Variants in PPP2R1B observed in about 807,000 individuals in gnomAD.
The protein encoded by PPP2R1B is serine/threonine-protein phosphatase 2A 65 kDa regulatory subunit A beta isoform.
PPP2R1B carries 58 observed loss-of-function variants against 72.7 expected under a neutral mutation model. That is an observed-to-expected ratio of 0.80 (90% CI 0.65 to 0.99). The LOEUF (loss-of-function observed/expected upper bound fraction) is 0.99, where lower values mean the gene tolerates loss of function less well. Ranked by LOEUF, PPP2R1B falls within the 50% of genes least tolerant of loss-of-function variation. PPP2R1B has a pLI of 0.00. For synonymous variants in PPP2R1B, 256 were observed against 264.6 expected, an observed-to-expected ratio of 0.97 and a Z score of 0.32; for missense variants, 695 against 733.6, an observed-to-expected ratio of 0.95 and a Z score of 0.61.
chr11:111,741,913 C>T lies in PPP2R1B; in HGVS notation c.1789+140G>A, dbSNP rs1944534156. On this transcript the variant is annotated intron_variant, in intron 14 of 14. Coordinates refer to ENST00000527614, the MANE Select transcript of PPP2R1B (RefSeq NM_002716.5). ...GCCAAGAGGGTTCTAATCAGAGAGA[C>T]ACCAGCATTCCAGGAACTTACTACC... The T allele has an allele frequency of 5.9e-6, 5 of 850,054 alleles. No individual in the cohort carries two copies. The East Asian group carries it at 9.9e-5, about 17-fold the overall frequency. The allele number at this position is 850,054 out of a possible 1,614,324, so 52.7% of individuals were successfully genotyped here.
At chr11:111,743,071 T>C (rs1944582911) in intron 12 of PPP2R1B, among the ~76,000 whole-genome samples, 1 of 152,050 alleles carries the variant, frequency 6.6e-6, no homozygotes. Context: ...TTTTTGTATT[T>C]TTAGTAGAGA....
chr11:111,713,148 G>C, the PPP2R1B span, among the ~76,000 whole-genome samples: 2 of 152,116 alleles, frequency 1.3e-5, no homozygotes, highest in African/African-American at 2.4e-5. Context: ...CTGGGTGACA[G>C]AGTGAGACTC....
intron 10 of PPP2R1B, among the ~76,000 whole-genome samples, chr11:111,749,803 A>G (rs1305187704): frequency 6.6e-6 from 1 of 152,234 alleles, no homozygotes; most frequent in African/African-American, 2.4e-5. Context: ...AGACAGGTGT[A>G]AGTCAGCCAA....
the PPP2R1B span, among the ~76,000 whole-genome samples, chr11:111,713,454 C>A: frequency 6.6e-6 from 1 of 152,058 alleles, no homozygotes. Flanking sequence ...AAGGAGAACA[C>A]CAACTTTATG....
chr11:111,692,377 A>C, the PPP2R1B span, among the ~76,000 whole-genome samples: 3 of 143,008 alleles, frequency 2.1e-5, no homozygotes, highest in African/African-American at 5.2e-5. Flanking sequence ...AAAAAAAAAA[A>C]AAAAAAAAAA....
At chr11:111,749,302 G>GA (rs1555047223) in intron 10 of PPP2R1B, among the ~76,000 whole-genome samples, 1 of 150,970 alleles carries the variant, frequency 6.6e-6, no homozygotes, top group African/African-American at 2.4e-5. Context: ...TGTTGTTGTC[G>GA]AGACGGAATC....
Position 111,766,346 on chromosome 11 carries a change from C to G in PPP2R1B, c.16G>C (p.Glu6Gln). Residue 6 changes from glutamate (E) to glutamine (Q), a missense_variant, in exon 1 of 15, where the codon GAG (glutamate) becomes CAG (glutamine). Physicochemically the swap from Glu to Gln is conservative, Grantham distance 29. Coordinates refer to ENST00000527614, the MANE Select transcript of PPP2R1B (RefSeq NM_002716.5). MAGAS[E>Q]LGTGPGAAGG... ...GCTGCTCCTGGGCCGGTCCCGAGCT[C>G]TGATGCGCCCGCCATGTTCTTTCTC... The G allele has an allele frequency of 6.5e-7, 1 of 1,533,210 alleles. No homozygotes were observed. Among genetic ancestry groups the G allele is most frequent in the Non-Finnish European group, 8.8e-7 (1 of 1,139,892 alleles). The allele number at this position is 1,533,210 out of a possible 1,614,324, so 95.0% of individuals were successfully genotyped here.
chr11:111,716,685 A>C, the PPP2R1B span, among the ~76,000 whole-genome samples: 1 of 152,250 alleles, frequency 6.6e-6, no homozygotes, highest in Admixed American at 6.5e-5. Context: ...TTGTAATAAA[A>C]GACATAATTC....
chr11:111,727,147 G>T, intron 15 of PPP2R1B: 1 of 1,041,674 alleles, frequency 9.6e-7, no homozygotes, highest in Non-Finnish European at 1.5e-6. Context: ...CTGCCCCCTC[G>T]CCACCTCTGC....
At chr11:111,763,202 G>C (rs551337139) in intron 3 of PPP2R1B, among the ~76,000 whole-genome samples, 1 of 152,210 alleles carries the variant, frequency 6.6e-6, no homozygotes, top group East Asian at 1.9e-4. Context: ...TCATTAGAGG[G>C]AAGACCTAGG....
intron 15 of PPP2R1B, among the ~76,000 whole-genome samples, chr11:111,731,168 G>T (rs941971485): frequency 1.3e-5 from 2 of 152,254 alleles, no homozygotes; most frequent in South Asian, 4.1e-4. Context: ...GAGTCCCAGG[G>T]CAAAGCGCAT....
chr11:111,731,080 C>T (rs976815904), intron 15 of PPP2R1B, among the ~76,000 whole-genome samples: 4 of 152,368 alleles, frequency 2.6e-5, no homozygotes, highest in East Asian at 1.9e-4. Context: ...AGATCGCTGA[C>T]GGAAGCACTG....
In PPP2R1B at chr11:111,760,810, A is replaced by G. The variant is rs747014209; in HGVS notation, c.539+9T>C. 6.8e-6 allele frequency: 11 copies of G among 1,611,468 alleles called. No homozygotes were observed. Among genetic ancestry groups the G allele is most frequent in the East Asian group, 2.2e-5 (1 of 44,870 alleles). ...TGCTTTAACAAGGCAAAAAAATACCATGGCTTACTGTCTGATTTCTGCTTT... is the reference window on the plus strand; with the variant it reads ...TGCTTTAACAAGGCAAAAAAATACCGTGGCTTACTGTCTGATTTCTGCTTT... On this transcript the variant is annotated intron_variant, in intron 4 of 14. Transcript: ENST00000527614.
chr11:111,692,407 A>C, the PPP2R1B span, among the ~76,000 whole-genome samples: 1 of 136,108 alleles, frequency 7.3e-6, no homozygotes, highest in Non-Finnish European at 1.6e-5. Context: ...GGAGAGAGGG[A>C]GAGAGAGAGA....
chr11:111,737,330 G>A (rs1398574018), downstream of PPP2R1B: 3 of 1,476,772 alleles, frequency 2.0e-6, no homozygotes, highest in African/African-American at 1.4e-5. Flanking sequence ...TTCCCCTGGG[G>A]ACAAAGTGAG....
intron 3 of PPP2R1B, 89 bp downstream of exon 3, chr11:111,764,716 A>G: frequency 7.7e-7 from 1 of 1,303,562 alleles, no homozygotes. Flanking sequence ...ATCTGCATAA[A>G]AAATGCTGCA....
intron 11 of PPP2R1B, among the ~76,000 whole-genome samples, chr11:111,747,170 AC>A (rs1045521062): frequency 1.3e-5 from 2 of 152,202 alleles, no homozygotes; most frequent in African/African-American, 4.8e-5. Context: ...ATGTCACATG[AC>A]CCCATAGGGG....
chr11:111,735,791 A>T (rs917906985), downstream of PPP2R1B, among the ~76,000 whole-genome samples: 16 of 152,204 alleles, frequency 1.1e-4, no homozygotes, highest in African/African-American at 3.9e-4. Flanking sequence ...ATTCGGACAG[A>T]TTGGCAAGTC....
At chr11:111,725,875 C>T (rs1326891402), downstream of PPP2R1B, 1 of 152,370 alleles carries the variant, frequency 6.6e-6, no homozygotes, top group African/African-American at 2.4e-5. Flanking sequence ...AGGCACTGTG[C>T]TCACGGTTGG....
Sources: allele counts gnomAD v4.1 joint callset (sites outside exome capture counted in the v4.1 genomes callset), GRCh38; gene constraint gnomAD v4.1.1; transcripts MANE v1.5; gene names NCBI Gene and HGNC (gene_info 2026-07-23, HGNC 2026-07-21).